Variants in ANKRD24 observed in about 807,000 individuals in gnomAD.
The protein encoded by ANKRD24 is ankyrin repeat domain-containing protein 24.
In ANKRD24, 109 loss-of-function variants were observed where a neutral mutation model predicts 127.8. The ratio of observed to expected loss-of-function variants is 0.85; its 90% CI spans 0.73 to 1.00. The LOEUF is 1.00. Among genes scored for constraint, ANKRD24 ranks in the 50% least tolerant of loss-of-function variants. The probability of loss-of-function intolerance (pLI) is 0.00; values close to 1 mark genes in which losing one functional copy is unlikely to be tolerated. For synonymous variants in ANKRD24, 743 were observed against 671.1 expected, an observed-to-expected ratio of 1.11 and a Z score of -1.66; for missense variants, 1,648 against 1,570.2, an observed-to-expected ratio of 1.05 and a Z score of -0.84.
chr19:4,218,212 G>T, intron 18 of ANKRD24, 49 bp downstream of exon 18: 1 of 1,401,202 alleles, frequency 7.1e-7, no homozygotes, highest in Non-Finnish European at 9.3e-7. Context: ...TGGCCACGTG[G>T]CGGCCTGTTT....
At chr19:4,188,835 T>A (rs1415077284) in intron 2 of ANKRD24, among the ~76,000 whole-genome samples, 1 of 152,136 alleles carries the variant, frequency 6.6e-6, no homozygotes, top group Non-Finnish European at 1.5e-5. Flanking sequence ...TGAGACAGAG[T>A]CTCACTCTGT....
chr19:4,205,099 A>C (rs1176573946), intron 7 of ANKRD24, among the ~76,000 whole-genome samples: 1 of 152,198 alleles, frequency 6.6e-6, no homozygotes, highest in Non-Finnish European at 1.5e-5. Context: ...TTAGCCAGGC[A>C]TGGAGGCATG....
At chr19:4,221,686 A>G (rs1970451177) in intron 19 of ANKRD24, among the ~76,000 whole-genome samples, 1 of 152,186 alleles carries the variant, frequency 6.6e-6, no homozygotes, top group Non-Finnish European at 1.5e-5. Flanking sequence ...GCCTCGACTC[A>G]CTGTGGGACC....
At chr19:4,213,456 C>CTTTTT (rs769606619) in intron 15 of ANKRD24, among the ~76,000 whole-genome samples, 1 of 118,660 alleles carries the variant, frequency 8.4e-6, no homozygotes, top group African/African-American at 3.5e-5. Flanking sequence ...ATCCTTCCTT[C>CTTTTT]TTTTTTTTTT....
At position 4,182,734 on chromosome 19, in the gene ANKRD24, C is replaced by T. The variant is rs1245510532; in HGVS notation, c.-43C>T. 2.9e-6 allele frequency: 4 copies of T among 1,398,428 alleles called. No homozygotes were observed. The highest frequency in any genetic ancestry group is 1.9e-6 in the Non-Finnish European group (2 of 1,074,554). The allele number at this position is 1,398,428 out of a possible 1,614,324, so 86.6% of individuals were successfully genotyped here. On this transcript the variant is annotated 5_prime_UTR_variant, in exon 1 of 22. Coordinates refer to ENST00000318934, the MANE Select transcript of ANKRD24 (RefSeq NM_001393985.1). ...TGTCAGAAGGAAGCCTGCCTCTTTG[C>T]ATGCAGGTGTTTGCGGGGCTTGGGA...
At position 4,187,419 on chromosome 19, in the gene ANKRD24, GA is replaced by G. The variant is rs573288227; in HGVS notation, c.36+968del. Reference sequence around the variant, plus strand: ...CAGAGTGAGACTCCATCTCAAAAAAGAAAAAAAAAAGAAAAAGGGAAGGGGA... The same window carrying G: ...CAGAGTGAGACTCCATCTCAAAAAAGAAAAAAAAAGAAAAAGGGAAGGGGA... On this transcript the variant is annotated intron_variant, in intron 2 of 21. Coordinates refer to ENST00000318934, the MANE Select transcript of ANKRD24 (RefSeq NM_001393985.1). 7.8e-4 allele frequency among the ~76,000 whole-genome samples: 108 copies of G among 138,300 alleles called. 1 individual carries two copies. Among genetic ancestry groups the G allele is most frequent in the African/African-American group, 2.8e-3 (104 of 37,384 alleles). The allele number at this position is 138,300 out of a possible 152,430, so 90.7% of individuals were successfully genotyped here.
intron 2 of ANKRD24, among the ~76,000 whole-genome samples, chr19:4,187,427 AAAG>A (rs1257003661): frequency 6.6e-6 from 1 of 151,594 alleles, no homozygotes; most frequent in Non-Finnish European, 1.5e-5. Flanking sequence ...AAGAAAAAAA[AAAG>A]AAAAAGGGAA....
At chr19:4,220,175 G>C (rs762006094) in intron 19 of ANKRD24, among the ~76,000 whole-genome samples, 1 of 152,072 alleles carries the variant, frequency 6.6e-6, no homozygotes, top group Non-Finnish European at 1.5e-5. Flanking sequence ...GTTTCGTCAC[G>C]TTGGCCAGGC....
chr19:4,221,703 C>T (rs1449842919), intron 19 of ANKRD24, among the ~76,000 whole-genome samples: 2 of 152,162 alleles, frequency 1.3e-5, no homozygotes, highest in Admixed American at 6.5e-5. Context: ...GACCTTAGAC[C>T]AGACACTTCA....
chr19:4,204,857 T>C (rs1969295864), intron 7 of ANKRD24, among the ~76,000 whole-genome samples: 1 of 152,206 alleles, frequency 6.6e-6, no homozygotes, highest in South Asian at 2.1e-4. Flanking sequence ...AACTGAGCAC[T>C]CTGGGAGGCC....
chr19:4,201,014 A>C (rs2145289079), intron 5 of ANKRD24, among the ~76,000 whole-genome samples: 1 of 152,152 alleles, frequency 6.6e-6, no homozygotes, highest in South Asian at 2.1e-4. Flanking sequence ...GAGCTTGCAA[A>C]GTATCTGGGG....
rs769826533 is a variant in ANKRD24 at position 4,222,652 on chromosome 19, C to T, written c.3172-18C>T. 1.3e-6 allele frequency: 2 copies of T among 1,587,360 alleles called. No homozygotes were observed. The highest frequency in any genetic ancestry group is 1.7e-5 in the Admixed American group (1 of 58,948). ...GCTCTGGGCTTAGGGTGATCGCTGA[C>T]AGCACCTGCACCCTCAGATCACAGA... On this transcript the variant is annotated intron_variant, in intron 19 of 21. Coordinates refer to ENST00000318934, the MANE Select transcript of ANKRD24 (RefSeq NM_001393985.1).
chr19:4,186,359 C>G (rs1968062160), intron 1 of ANKRD24, 31 bp from the exon 2 acceptor site: 1 of 1,554,274 alleles, frequency 6.4e-7, no homozygotes, highest in African/African-American at 1.4e-5. Flanking sequence ...ACTGGTGTCC[C>G]TCACCTTACC....
At position 4,203,057 on chromosome 19, in the gene ANKRD24, T is replaced by C. The variant is rs997566627; in HGVS notation, c.466+131T>C. The C allele has an allele frequency of 1.5e-5, 12 of 800,486 alleles. No homozygotes were observed. In the African/African-American group the frequency reaches 2.2e-4, roughly 14 times the overall value. The allele number at this position is 800,486 out of a possible 1,614,324, so 49.6% of individuals were successfully genotyped here. On this transcript the variant is annotated intron_variant, in intron 7 of 21. Transcript: ENST00000318934. ...GTCTCCTCCTTTCTTTCTTTCTTTT[T>C]TTTTTTTTGAGACGGAGTCTCACTC...
In ANKRD24 at chr19:4,182,727, C is replaced by G. The variant is rs1259107329; in HGVS notation, c.-50C>G. ...TATCTGCTGTCAGAAGGAAGCCTGC[C>G]TCTTTGCATGCAGGTGTTTGCGGGG... On this transcript the variant is annotated 5_prime_UTR_variant, in exon 1 of 22. Transcript: ENST00000318934. 3 of 1,402,976 alleles carry G rather than the reference C, an allele frequency of 2.1e-6. No individual in the cohort carries two copies. The highest frequency in any genetic ancestry group is 1.9e-6 in the Non-Finnish European group (2 of 1,076,806). The allele number at this position is 1,402,976 out of a possible 1,614,324, so 86.9% of individuals were successfully genotyped here. A position where few individuals can be genotyped will look rare whatever the true frequency, so the allele number is the denominator to read the frequency against.
chr19:4,210,768 AC>A (rs891317930), intron 13 of ANKRD24, among the ~76,000 whole-genome samples: 3 of 123,014 alleles, frequency 2.4e-5, no homozygotes, highest in African/African-American at 1.0e-4. Context: ...CAAAATTGTA[AC>A]ATCACCCCCC....
intron 5 of ANKRD24, among the ~76,000 whole-genome samples, chr19:4,201,149 A>G (rs1969075319): frequency 2.0e-5 from 3 of 152,052 alleles, no homozygotes; most frequent in Admixed American, 2.0e-4. Flanking sequence ...GAGAACTTGT[A>G]TGTATGTATG....
chr19:4,197,655 G>A (rs1968824378), intron 2 of ANKRD24, among the ~76,000 whole-genome samples: 1 of 147,450 alleles, frequency 6.8e-6, no homozygotes, highest in Non-Finnish European at 1.5e-5. Context: ...GTAAATGAAC[G>A]AATGAATGAA....
In ANKRD24 at chr19:4,198,208, C is replaced by A; in HGVS notation, c.37-1475C>A. On this transcript the variant is annotated intron_variant, in intron 2 of 21. Transcript: ENST00000318934. The surrounding 1 kb of genome is among the most constrained non-coding windows in gnomAD (Gnocchi z 6.1). ...CGCCGCGTCCTCCTCATCCTCCAGG[C>A]GACAAGGTCAGGAGGGGCCGGGGCG... is the stretch of plus-strand genomic sequence containing the variant. 4 of 572,568 alleles carry A rather than the reference C, an allele frequency of 7.0e-6. No individual in the cohort carries two copies. Among genetic ancestry groups the A allele is most frequent in the Non-Finnish European group, 1.2e-5 (4 of 323,522 alleles). The allele number at this position is 572,568 out of a possible 1,614,324, so 35.5% of individuals were successfully genotyped here.
Sources: allele counts gnomAD v4.1 joint callset (sites outside exome capture counted in the v4.1 genomes callset), GRCh38; gene constraint gnomAD v4.1.1; non-coding constraint Gnocchi (gnomAD v3.1); transcripts MANE v1.5; gene names NCBI Gene and HGNC (gene_info 2026-07-23, HGNC 2026-07-21).